Variants in RAPGEF4 observed in about 807,000 individuals in gnomAD.
RAPGEF4 encodes the protein RAP guanine-nucleotide-exchange factor (GEF) 4.
RAPGEF4 carries 66 observed loss-of-function variants against 147.9 expected under a neutral mutation model. That is an observed-to-expected ratio of 0.45 (90% CI 0.37 to 0.55). RAPGEF4 has a LOEUF of 0.55. Among genes scored for constraint, RAPGEF4 ranks in the 20% least tolerant of loss-of-function variants. RAPGEF4 has a pLI of 0.00. For missense variants in RAPGEF4, 1,071 were observed against 1,257.3 expected (o/e 0.85, Z 2.24); for synonymous variants, 419 against 442.7 (o/e 0.95, Z 0.67).
At chr2:172,791,345 T>C (rs1300371918) in intron 1 of RAPGEF4, among the ~76,000 whole-genome samples, 1 of 152,210 alleles carries the variant, frequency 6.6e-6, no homozygotes, top group Non-Finnish European at 1.5e-5. Context: ...TTGAGGTCGC[T>C]GTAGAAGATT....
chr2:172,886,041 A>C (rs932757925), intron 4 of RAPGEF4, among the ~76,000 whole-genome samples: 1 of 152,026 alleles, frequency 6.6e-6, no homozygotes, highest in Non-Finnish European at 1.5e-5. Context: ...GCTCTTCTGC[A>C]CCACCTTTCC....
intron 19 of RAPGEF4, among the ~76,000 whole-genome samples, chr2:173,016,643 G>T (rs1695536431): frequency 6.6e-6 from 1 of 152,202 alleles, no homozygotes; most frequent in African/African-American, 2.4e-5. Flanking sequence ...CTAGAGGGCT[G>T]CCAAAAGATA....
intron 23 of RAPGEF4, 113 bp downstream of exon 23, chr2:173,020,828 C>T: frequency 1.4e-6 from 1 of 719,682 alleles, no homozygotes; most frequent in Non-Finnish European, 2.3e-6. Context: ...TGGTACTTAG[C>T]TTTTTCTTTT....
At chr2:172,965,317 C>G in intron 8 of RAPGEF4, 1 of 517,462 alleles carries the variant, frequency 1.9e-6, no homozygotes, top group African/African-American at 1.9e-5. Flanking sequence ...CCTGGTGCTA[C>G]AAGTTGTAAT....
chr2:172,772,483 A>C (rs1164263564), intron 1 of RAPGEF4, among the ~76,000 whole-genome samples: 3 of 151,804 alleles, frequency 2.0e-5, no homozygotes, highest in African/African-American at 7.3e-5. Flanking sequence ...ACCTGGGATT[A>C]CAGGCGCCTG....
chr2:172,788,368 T>C (rs17755063), intron 1 of RAPGEF4, among the ~76,000 whole-genome samples: 2,222 of 152,078 alleles, frequency 0.015, 19 homozygotes, highest in South Asian at 0.029. Context: ...AGAGAAAACG[T>C]TGTAAGGAAA....
At chr2:172,747,371 C>T (rs1336628685) in intron 1 of RAPGEF4, among the ~76,000 whole-genome samples, 1 of 152,182 alleles carries the variant, frequency 6.6e-6, no homozygotes, top group African/African-American at 2.4e-5. Flanking sequence ...TTAAGATCTA[C>T]TCTCTTAGCA....
chr2:172,820,936 A>C (rs1329414562), intron 4 of RAPGEF4, among the ~76,000 whole-genome samples: 1 of 152,140 alleles, frequency 6.6e-6, no homozygotes, highest in Non-Finnish European at 1.5e-5. Flanking sequence ...TTTCCATTAA[A>C]ATCTTTCAAG....
chr2:172,898,426 T>G (rs537388102), intron 4 of RAPGEF4, among the ~76,000 whole-genome samples: 3 of 152,326 alleles, frequency 2.0e-5, no homozygotes, highest in Admixed American at 6.5e-5. Context: ...CTTGCTTTTT[T>G]GCCCCCCACC....
At chr2:172,951,639 G>A (rs915063584) in intron 6 of RAPGEF4, among the ~76,000 whole-genome samples, 3 of 152,230 alleles carry the variant, frequency 2.0e-5, no homozygotes, top group African/African-American at 7.2e-5. Flanking sequence ...AAGTGAGGGT[G>A]TGAGCCATGG....
intron 4 of RAPGEF4, among the ~76,000 whole-genome samples, chr2:172,876,931 T>C (rs1359295934): frequency 6.6e-6 from 1 of 152,208 alleles, no homozygotes; most frequent in Non-Finnish European, 1.5e-5. Flanking sequence ...GAGCCTGTTA[T>C]TGGTCTATTC....
Position 173,051,661 on chromosome 2 carries a change from A to C in RAPGEF4, c.2930A>C (p.Asn977Thr). Reference sequence around the variant, plus strand: ...ACAGATCCTGATGCAGCTCAAGCTAATAAGAACCATCAGGATGTCCGGAGT... The same window carrying C: ...ACAGATCCTGATGCAGCTCAAGCTACTAAGAACCATCAGGATGTCCGGAGT... ...QPFNPDAAQANKNHQDVRSYV... is the reference protein window; with the variant it reads ...QPFNPDAAQATKNHQDVRSYV... Residue 977 changes from asparagine (N) to threonine (T), a missense_variant, in exon 31 of 31, where the codon AAT (asparagine) becomes ACT (threonine). Transcript: ENST00000397081. 6.2e-7 allele frequency: 1 copy of C among 1,613,982 alleles called. No homozygotes were observed. Among genetic ancestry groups the C allele is most frequent in the Non-Finnish European group, 8.5e-7 (1 of 1,179,880 alleles).
chr2:173,034,897 CACACACACACACAA>C (rs1683745752), intron 27 of RAPGEF4, among the ~76,000 whole-genome samples: 2 of 151,772 alleles, frequency 1.3e-5, no homozygotes, highest in South Asian at 4.2e-4. Flanking sequence ...CACACACACA[CACACACACACACAA>C]ATACAAATCA....
At chr2:173,012,063 A>G (rs184740534) in intron 17 of RAPGEF4, among the ~76,000 whole-genome samples, 402 of 152,354 alleles carry the variant, frequency 2.6e-3, no homozygotes, top group South Asian at 4.1e-3. Context: ...AGAGTAACTT[A>G]GGGCACAGTG....
chr2:172,840,080 C>T (rs989460052), intron 4 of RAPGEF4, among the ~76,000 whole-genome samples: 2 of 152,172 alleles, frequency 1.3e-5, no homozygotes, highest in African/African-American at 4.8e-5. Context: ...TAAAATCTTA[C>T]TTCCTCCATT....
intron 16 of RAPGEF4, among the ~76,000 whole-genome samples, chr2:173,000,746 C>CTTTTTTTTT (rs869055162): frequency 1.4e-5 from 1 of 72,788 alleles, no homozygotes; most frequent in Non-Finnish European, 3.3e-5. Context: ...TCTTTTCTTT[C>CTTTTTTTTT]TTTCTTTTTT....
chr2:172,973,114 TTTTTTTTTC>T (rs1690680293), intron 10 of RAPGEF4, among the ~76,000 whole-genome samples: 1 of 148,880 alleles, frequency 6.7e-6, no homozygotes, highest in Admixed American at 6.7e-5. Flanking sequence ...TTTCTTTTTT[TTTTTTTTTC>T]TTTTTTTGAG....
chr2:172,752,383 T>A (rs1311347336), intron 1 of RAPGEF4, among the ~76,000 whole-genome samples: 1 of 152,188 alleles, frequency 6.6e-6, no homozygotes, highest in African/African-American at 2.4e-5. Flanking sequence ...GCTTTTGTAT[T>A]GAATTTTTAT....
intron 8 of RAPGEF4, 74 bp from the exon 9 acceptor site, chr2:172,965,488 T>G: frequency 6.6e-7 from 1 of 1,526,060 alleles, no homozygotes; most frequent in Non-Finnish European, 9.1e-7. Context: ...TAGGTTTTCC[T>G]CTCAAAAGCC....
Sources: gnomAD v4.1 joint callset for allele counts (sites outside exome capture counted in the v4.1 genomes callset) on GRCh38, gnomAD v4.1.1 for gene constraint, MANE v1.5 for transcripts, NCBI Gene and HGNC (gene_info 2026-07-23, HGNC 2026-07-21) for gene names.